The following DSE variants were observed in gnomAD, a reference collection of about 807,000 sequenced individuals.
DSE encodes the protein dermatan-sulfate epimerase.
A neutral mutation model predicts 84.4 loss-of-function variants in DSE; 36 were observed. That is an observed-to-expected ratio of 0.43 (90% CI 0.33 to 0.56). The LOEUF is 0.56. Ranked by LOEUF, DSE falls within the 20% of genes least tolerant of loss-of-function variation. The probability of loss-of-function intolerance (pLI) is 0.06; values close to 1 mark genes in which losing one functional copy is unlikely to be tolerated. For missense variants in DSE, 862 were observed against 1,169.6 expected, an observed-to-expected ratio of 0.74 and a Z score of 3.84; for synonymous variants, 410 against 430.1, an observed-to-expected ratio of 0.95 and a Z score of 0.58.
chr6:116,408,741 T>C lies in DSE; in HGVS notation c.416+9075T>C, dbSNP rs554047566. Among the ~76,000 whole-genome samples, 5 of 152,346 alleles carry C rather than the reference T, an allele frequency of 3.3e-5. No individual in the cohort carries two copies. In the South Asian group the frequency reaches 1.0e-3, roughly 32 times the overall value. On this transcript the variant is annotated intron_variant, in intron 2 of 5. Coordinates refer to ENST00000644252, the MANE Select transcript of DSE (RefSeq NM_013352.4). Reference sequence around the variant, plus strand: ...CATAGCTCAGCAGAGAATCTCAGATTACCTGGTCTTTGAAGTATTCCTCCT... The same window carrying C: ...CATAGCTCAGCAGAGAATCTCAGATCACCTGGTCTTTGAAGTATTCCTCCT...
At position 116,374,901 on chromosome 6, in the gene DSE, T is replaced by C. The variant is rs545780814; in HGVS notation, c.-54+3780T>C. Among the ~76,000 whole-genome samples the C allele has an allele frequency of 2.6e-5, 4 of 152,180 alleles. No homozygotes were observed. In the East Asian group the frequency reaches 5.8e-4, roughly 22 times the overall value. ...AATACTGCCACATCCACATTGGAGG[T>C]AAAGTTTCAACATGAGTTTTAGAGG... On this transcript the variant is annotated intron_variant, in intron 1 of 5. Transcript: ENST00000644252.
chr6:116,415,365 GGATC>G (rs1782631436), intron 2 of DSE, among the ~76,000 whole-genome samples: 1 of 152,094 alleles, frequency 6.6e-6, no homozygotes, highest in Non-Finnish European at 1.5e-5. Flanking sequence ...GAAGCATATA[GGATC>G]TTTTTTATGT....
Position 116,352,905 on chromosome 6 carries a change from C to A in DSE, c.-53-46293C>A, listed in dbSNP as rs142020102. Among the ~76,000 whole-genome samples, 32 of 152,228 alleles carry A rather than the reference C, an allele frequency of 2.1e-4. 1 individual carries two copies. In the East Asian group the frequency reaches 6.0e-3, roughly 29 times the overall value. On this transcript the variant is annotated intron_variant, in intron 2 of 3. Transcript: ENST00000430252. The stretch of plus-strand genomic sequence containing the variant: ...TTCCTTTCTTTCCTCGTTTCTTTCT[C>A]CTTCCCCCCTCCTCCTTCCTCTCTC...
chr6:116,438,503 A>G lies in DSE; in HGVS notation c.*1158A>G, dbSNP rs1784314271. The G allele has an allele frequency of 6.6e-6, 1 of 152,186 alleles. No individual in the cohort carries two copies. Among genetic ancestry groups the G allele is most frequent in the Non-Finnish European group, 1.5e-5 (1 of 67,988 alleles). The allele number at this position is 152,186 out of a possible 1,614,324, so 9.4% of individuals were successfully genotyped here. ...AATTCTGATATTTAAGTAGCACCCA[A>G]CTTTTAAAAGCATAAAATTTTCAAT... On this transcript the variant is annotated 3_prime_UTR_variant, in exon 6 of 6. Transcript: ENST00000644252.
At chr6:116,324,254 G>T (rs1051322179) in intron 2 of DSE, among the ~76,000 whole-genome samples, 5 of 152,172 alleles carry the variant, frequency 3.3e-5, no homozygotes, top group Non-Finnish European at 7.3e-5. Flanking sequence ...GCCATTGGCA[G>T]GTGGGCAGAT....
chr6:116,345,325 G>A (rs1381711622), intron 2 of DSE, among the ~76,000 whole-genome samples: 2 of 152,144 alleles, frequency 1.3e-5, no homozygotes, highest in African/African-American at 4.8e-5. Context: ...ATTCTTCTCA[G>A]CACCGTATTG....
intron 2 of DSE, among the ~76,000 whole-genome samples, chr6:116,266,100 G>T (rs188754872): frequency 6.6e-6 from 1 of 152,040 alleles, no homozygotes; most frequent in African/African-American, 2.4e-5. Flanking sequence ...CCCCATGCAG[G>T]GTTCCCAGCT....
At chr6:116,402,546 G>T (rs547545599) in intron 2 of DSE, among the ~76,000 whole-genome samples, 1 of 152,288 alleles carries the variant, frequency 6.6e-6, no homozygotes, top group South Asian at 2.1e-4. Context: ...CTCAGTAAAT[G>T]AGAATAATGA....
intron 1 of DSE, among the ~76,000 whole-genome samples, chr6:116,373,252 A>G (rs1779719465): frequency 6.6e-6 from 1 of 152,302 alleles, no homozygotes; most frequent in South Asian, 2.1e-4. Flanking sequence ...AGTCCCAGCT[A>G]CTTGGGAGGC....
intron 2 of DSE, among the ~76,000 whole-genome samples, chr6:116,280,837 T>A (rs1582933120): frequency 6.6e-6 from 1 of 152,178 alleles, no homozygotes; most frequent in Non-Finnish European, 1.5e-5. Flanking sequence ...AATGGACAAC[T>A]AAGATGGCCT....
intron 1 of DSE, among the ~76,000 whole-genome samples, chr6:116,384,645 A>C (rs1780460746): frequency 6.6e-6 from 1 of 152,142 alleles, no homozygotes; most frequent in Non-Finnish European, 1.5e-5. Context: ...GTTTCTTTTA[A>C]TGTAATTATA....
chr6:116,258,751 C>T lies in DSE; in HGVS notation c.-270C>T, dbSNP rs923041537. The T allele has an allele frequency of 5.6e-6, 9 of 1,609,560 alleles. No homozygotes were observed. The Admixed American group carries it at 1.2e-4, about 21-fold the overall frequency. On this transcript the variant is annotated 5_prime_UTR_variant, in exon 2 of 4. Coordinates refer to the DSE transcript ENST00000430252. ...GCACCCAATGCGTGTGGAGTCCTCC[C>T]GGGGACCACTGTTGATGATGGCGTT...
At chr6:116,425,632 T>A (rs1219951543) in intron 2 of DSE, among the ~76,000 whole-genome samples, 18 of 148,690 alleles carry the variant, frequency 1.2e-4, no homozygotes, top group South Asian at 4.2e-4. Context: ...TTATTTTATT[T>A]TTTTTTTTGA....
chr6:116,279,668 C>G, intron 2 of DSE: 3 of 1,608,028 alleles, frequency 1.9e-6, no homozygotes, highest in Non-Finnish European at 2.5e-6. Flanking sequence ...GCGACGGTCT[C>G]CGAGCCTCCC....
At chr6:116,428,596 C>T (rs1783601675) in intron 3 of DSE, among the ~76,000 whole-genome samples, 1 of 152,076 alleles carries the variant, frequency 6.6e-6, no homozygotes, top group African/African-American at 2.4e-5. Flanking sequence ...CCAGAGCCCC[C>T]ACATAAGTAC....
chr6:116,417,321 C>T (rs1281621076), intron 2 of DSE, among the ~76,000 whole-genome samples: 1 of 152,150 alleles, frequency 6.6e-6, no homozygotes. Context: ...TGGAAGTAAA[C>T]ATTGAGATAA....
intron 2 of DSE, among the ~76,000 whole-genome samples, chr6:116,360,127 C>G (rs752834756): frequency 7.2e-5 from 11 of 152,166 alleles, no homozygotes; most frequent in Non-Finnish European, 1.5e-4. Context: ...ACCGCATGTT[C>G]TCACTTATAA....
At chr6:116,319,680 G>A (rs1776189264) in intron 2 of DSE, among the ~76,000 whole-genome samples, 1 of 152,156 alleles carries the variant, frequency 6.6e-6, no homozygotes, top group African/African-American at 2.4e-5. Flanking sequence ...GCCTTATTAT[G>A]GCCTTTGGGG....
chr6:116,332,433 C>G (rs1777007550), intron 2 of DSE, among the ~76,000 whole-genome samples: 1 of 151,204 alleles, frequency 6.6e-6, no homozygotes, highest in Non-Finnish European at 1.5e-5. Flanking sequence ...AAACTCAATT[C>G]TTTAAAATAT....
Sources: allele counts gnomAD v4.1 joint callset (sites outside exome capture counted in the v4.1 genomes callset), GRCh38; gene constraint gnomAD v4.1.1; transcripts MANE v1.5; gene names NCBI Gene and HGNC (gene_info 2026-07-23, HGNC 2026-07-21).